Variants in FAM107B observed in about 807,000 individuals in gnomAD.
The protein encoded by FAM107B is protein FAM107B.
Under a neutral mutation model 31.5 loss-of-function variants are expected in FAM107B, and 21 were observed. That is an observed-to-expected ratio of 0.67 (90% CI 0.47 to 0.96). FAM107B has a LOEUF of 0.96. FAM107B is among the 40% of genes least tolerant of loss of function. FAM107B has a pLI of 0.00. For missense variants in FAM107B, 452 were observed against 377.1 expected, an observed-to-expected ratio of 1.20 and a Z score of -1.64; for synonymous variants, 157 against 141.5, an observed-to-expected ratio of 1.11 and a Z score of -0.78.
At chr10:14,653,366 G>T (rs144054786) in intron 2 of FAM107B, among the ~76,000 whole-genome samples, 1 of 152,294 alleles carries the variant, frequency 6.6e-6, no homozygotes, top group African/African-American at 2.4e-5. Flanking sequence ...CTATCTAAAA[G>T]GTGCCAGGCA....
chr10:14,732,351 C>T (rs1307437360), intron 1 of FAM107B, among the ~76,000 whole-genome samples: 1 of 152,194 alleles, frequency 6.6e-6, no homozygotes, highest in African/African-American at 2.4e-5. Flanking sequence ...GTCAGGGAGG[C>T]AGTGCCGTGT....
chr10:14,632,367 T>C (rs985935579), intron 2 of FAM107B, among the ~76,000 whole-genome samples: 2 of 146,768 alleles, frequency 1.4e-5, no homozygotes, highest in African/African-American at 5.1e-5. Flanking sequence ...ATCCCAGCAC[T>C]TTGGGAGGCC....
intron 2 of FAM107B, among the ~76,000 whole-genome samples, chr10:14,625,881 G>C (rs200318369): frequency 0.086 from 1,501 of 17,362 alleles, 32 homozygotes; most frequent in African/African-American, 0.18. Flanking sequence ...AAAAAAAAAA[G>C]CTAATTTCAA....
intron 2 of FAM107B, 21 bp downstream of exon 2, chr10:14,667,613 A>G: frequency 1.2e-6 from 2 of 1,613,042 alleles, no homozygotes; most frequent in Admixed American, 1.7e-5. Context: ...TGGAAAAGGA[A>G]TCACACAGAA....
intron 2 of FAM107B, among the ~76,000 whole-genome samples, chr10:14,603,612 G>A (rs1852476977): frequency 6.6e-6 from 1 of 152,240 alleles, no homozygotes; most frequent in Admixed American, 6.5e-5. Context: ...ACCTAAAGAT[G>A]CCTGGGGGAA....
chr10:14,562,179 G>T (rs141064176), intron 2 of FAM107B, among the ~76,000 whole-genome samples: 137 of 152,364 alleles, frequency 9.0e-4, no homozygotes, highest in African/African-American at 3.2e-3. Flanking sequence ...ATATTAACCA[G>T]TAGGGATGCC....
intron 1 of FAM107B, among the ~76,000 whole-genome samples, chr10:14,742,150 G>A (rs1856455022): frequency 6.6e-6 from 1 of 151,692 alleles, no homozygotes. Flanking sequence ...CTTGCTCTCT[G>A]GCCCAGACTG....
intron 3 of FAM107B, among the ~76,000 whole-genome samples, chr10:14,522,414 ATT>A (rs57308938): frequency 7.1e-6 from 1 of 141,626 alleles, no homozygotes; most frequent in Non-Finnish European, 1.5e-5. Flanking sequence ...CTAGCCCCTG[ATT>A]TTTTTTTTTT....
chr10:14,593,008 T>C (rs1212459615), intron 2 of FAM107B, among the ~76,000 whole-genome samples: 1 of 152,236 alleles, frequency 6.6e-6, no homozygotes, highest in African/African-American at 2.4e-5. Flanking sequence ...TATGGAACAA[T>C]GGTTGACCTC....
intron 2 of FAM107B, among the ~76,000 whole-genome samples, chr10:14,533,392 T>G (rs773331621): frequency 1.3e-5 from 2 of 152,154 alleles, no homozygotes; most frequent in African/African-American, 4.8e-5. Flanking sequence ...AAGGCTCAAG[T>G]TGCCATGACG....
intron 1 of FAM107B, among the ~76,000 whole-genome samples, chr10:14,768,935 G>C (rs553591141): frequency 6.6e-6 from 1 of 152,246 alleles, no homozygotes; most frequent in South Asian, 2.1e-4. Context: ...CCATGGCCTT[G>C]ATGCTCCAAC....
rs143835019 is a variant in FAM107B, at chr10:14,641,159, C to T, written c.469+26475G>A. ...TAATTGATCATCAACAAAGCCCTAC[C>T]ACCTTCTGTAGTTTTTTTCTTAGGT... On this transcript the variant is annotated intron_variant, in intron 2 of 4. Transcript: ENST00000181796. Among the ~76,000 whole-genome samples, 690 of 152,302 alleles carry T rather than the reference C, an allele frequency of 4.5e-3. 1 individual carries two copies. The highest frequency in any genetic ancestry group is 0.016 in the South Asian group (75 of 4,820).
intron 2 of FAM107B, among the ~76,000 whole-genome samples, chr10:14,634,823 T>A (rs534924677): frequency 6.6e-6 from 1 of 152,146 alleles, no homozygotes; most frequent in Admixed American, 6.5e-5. Flanking sequence ...GGGTGCGGTG[T>A]CTCACGCCTA....
At chr10:14,572,476 C>T (rs1851294195) in intron 2 of FAM107B, 1 of 867,816 alleles carries the variant, frequency 1.2e-6, no homozygotes, top group Non-Finnish European at 1.4e-6. Context: ...TGAGACCAAT[C>T]AGAATGGCCC....
chr10:14,526,117 C>T (rs1328087218), intron 3 of FAM107B, among the ~76,000 whole-genome samples: 1 of 152,198 alleles, frequency 6.6e-6, no homozygotes, highest in Non-Finnish European at 1.5e-5. Flanking sequence ...AGTCAAACAT[C>T]TCCCGGCCTA....
intron 2 of FAM107B, among the ~76,000 whole-genome samples, chr10:14,545,596 C>T (rs754664347): frequency 6.6e-6 from 1 of 152,180 alleles, no homozygotes; most frequent in Non-Finnish European, 1.5e-5. Flanking sequence ...AGGGGAGAGG[C>T]CATGTGGCAA....
chr10:14,774,408 T>C lies in FAM107B; in HGVS notation c.256A>G (p.Asn86Asp). The C allele has an allele frequency of 1.2e-6, 2 of 1,614,210 alleles. No individual in the cohort carries two copies. Among genetic ancestry groups the C allele is most frequent in the Non-Finnish European group, 1.7e-6 (2 of 1,180,040 alleles). Residue 86 changes from asparagine to aspartate, a missense_variant, in exon 1 of 5, where the codon AAT (asparagine) becomes GAT (aspartate). Coordinates refer to ENST00000181796, the MANE Select transcript of FAM107B (RefSeq NM_031453.4). ...CTTGAATTCCGATTCGCACTGCCAT[T>C]TCTCTCTGCATGGGTGCTCGAATCT... ...RQDSSTHAER[N>D]GSANRNSSHR...
intron 2 of FAM107B, among the ~76,000 whole-genome samples, chr10:14,538,393 T>C (rs1402675701): frequency 6.6e-6 from 1 of 152,208 alleles, no homozygotes; most frequent in African/African-American, 2.4e-5. Flanking sequence ...GAGAATGAAC[T>C]GGCAATTCTG....
chr10:14,579,972 A>C (rs1851582913), intron 2 of FAM107B, among the ~76,000 whole-genome samples: 1 of 151,750 alleles, frequency 6.6e-6, no homozygotes, highest in East Asian at 1.9e-4. Context: ...CAGTGAGCTG[A>C]GATCATGCCA....
Sources: gnomAD v4.1 joint callset for allele counts (sites outside exome capture counted in the v4.1 genomes callset) on GRCh38, gnomAD v4.1.1 for gene constraint, MANE v1.5 for transcripts, NCBI Gene and HGNC (gene_info 2026-07-23, HGNC 2026-07-21) for gene names.